The following ABHD5 variants were observed in gnomAD, a reference collection of about 807,000 sequenced individuals.
ABHD5 encodes 1-acylglycerol-3-phosphate O-acyltransferase ABHD5.
In ABHD5, 30 loss-of-function variants were observed where a neutral mutation model predicts 44.9. The observed-to-expected ratio is 0.67, with a 90% CI of 0.50 to 0.91. ABHD5 has a LOEUF of 0.91. Ranked by LOEUF, ABHD5 falls within the 40% of genes least tolerant of loss-of-function variation. The probability of loss-of-function intolerance (pLI) is 0.00; values close to 1 mark genes in which losing one functional copy is unlikely to be tolerated. For missense variants in ABHD5, 399 were observed against 423.4 expected (o/e 0.94, Z 0.50); for synonymous variants, 167 against 147.0 (o/e 1.14, Z -0.99).
intron 7 of ABHD5, among the ~76,000 whole-genome samples, chr3:43,728,384 C>T (rs559079124): frequency 5.9e-5 from 9 of 152,292 alleles, no homozygotes; most frequent in Non-Finnish European, 8.8e-5. Context: ...ATGAACAAGT[C>T]AGCAACAATC....
chr3:43,729,069 G>A (rs1169749379), intron 7 of ABHD5, among the ~76,000 whole-genome samples: 1 of 152,218 alleles, frequency 6.6e-6, no homozygotes, highest in Non-Finnish European at 1.5e-5. Flanking sequence ...TAAAGTTTTT[G>A]TGGTGACTCT....
At chr3:43,714,467 C>T (rs1400422641) in intron 4 of ABHD5, among the ~76,000 whole-genome samples, 2 of 151,992 alleles carry the variant, frequency 1.3e-5, no homozygotes, top group East Asian at 3.9e-4. Flanking sequence ...GCTGTGGGCG[C>T]CACCAGGGAT....
At chr3:43,699,984 C>T (rs564157639) in intron 2 of ABHD5, among the ~76,000 whole-genome samples, 2 of 152,114 alleles carry the variant, frequency 1.3e-5, no homozygotes, top group Admixed American at 1.3e-4. Flanking sequence ...GGGACACCCC[C>T]CCTGACTCTG....
intron 4 of ABHD5, among the ~76,000 whole-genome samples, chr3:43,712,607 C>T (rs760835644): frequency 5.3e-5 from 8 of 152,050 alleles, no homozygotes; most frequent in Non-Finnish European, 1.2e-4. Flanking sequence ...AACTGAATAC[C>T]CAAGAGGCTT....
intron 2 of ABHD5, chr3:43,699,635 A>C: frequency 3.1e-6 from 1 of 317,558 alleles, no homozygotes; most frequent in East Asian, 6.0e-5. Context: ...AATATTTATC[A>C]TTTCTAATAC....
chr3:43,731,870 AT>A (rs1228409928), intron 7 of ABHD5, among the ~76,000 whole-genome samples: 1 of 151,998 alleles, frequency 6.6e-6, no homozygotes, highest in Non-Finnish European at 1.5e-5. Flanking sequence ...AAAATTAAAA[AT>A]TAAGAATTTC....
intron 2 of ABHD5, 120 bp from the exon 3 acceptor site, chr3:43,702,095 T>C: frequency 2.4e-6 from 2 of 849,066 alleles, no homozygotes; most frequent in East Asian, 2.7e-5. Flanking sequence ...TAGCTGACAA[T>C]ACAAGCTAAA....
intron 1 of ABHD5, among the ~76,000 whole-genome samples, chr3:43,695,873 C>A (rs1013506101): frequency 2.6e-5 from 4 of 152,164 alleles, no homozygotes; most frequent in Non-Finnish European, 5.9e-5. Flanking sequence ...ACTTGGCTTT[C>A]CTTAGAATTG....
chr3:43,712,172 GTATA>G (rs1409683321), intron 4 of ABHD5, among the ~76,000 whole-genome samples: 1 of 152,172 alleles, frequency 6.6e-6, no homozygotes, highest in Non-Finnish European at 1.5e-5. Flanking sequence ...GTTTTGGGGA[GTATA>G]TAAGGACCTC....
intron 1 of ABHD5, among the ~76,000 whole-genome samples, chr3:43,696,970 T>C (rs1212566074): frequency 1.3e-5 from 2 of 152,212 alleles, no homozygotes; most frequent in Non-Finnish European, 2.9e-5. Context: ...GTGCCTCTTC[T>C]TATGGTTGAA....
At chr3:43,717,201 A>AC (rs1206537340) in intron 5 of ABHD5, among the ~76,000 whole-genome samples, 2 of 134,290 alleles carry the variant, frequency 1.5e-5, no homozygotes, top group Admixed American at 1.5e-4. Context: ...ACAAAAAAAA[A>AC]AAATGAATAG....
chr3:43,693,836 C>T (rs1442929692), intron 1 of ABHD5, among the ~76,000 whole-genome samples: 1 of 150,092 alleles, frequency 6.7e-6, no homozygotes, highest in Non-Finnish European at 1.5e-5. Context: ...CTTGTTTACT[C>T]AAACGTGAAC....
intron 1 of ABHD5, among the ~76,000 whole-genome samples, chr3:43,697,395 G>A (rs1437554464): frequency 6.6e-6 from 1 of 151,970 alleles, no homozygotes; most frequent in Non-Finnish European, 1.5e-5. Flanking sequence ...GATATGGTTC[G>A]AGGGATGTTT....
rs760056786 is a variant in ABHD5, at chr3:43,690,953, C to G, written c.-40C>G. 1.9e-6 allele frequency: 3 copies of G among 1,549,218 alleles called. No homozygotes were observed. Among genetic ancestry groups the G allele is most frequent in the Non-Finnish European group, 2.6e-6 (3 of 1,152,858 alleles). ...GGGGCGGCCCAGTCGGCCTGTCAGC[C>G]GGCTTCGAGATAAGTCCCGGCGCTT... On this transcript the variant is annotated 5_prime_UTR_variant, in exon 1 of 7. Transcript: ENST00000644371.
chr3:43,718,558 C>T lies in ABHD5; in HGVS notation c.*26C>T. On this transcript the variant is annotated 3_prime_UTR_variant, in exon 7 of 7. Coordinates refer to ENST00000644371, the MANE Select transcript of ABHD5 (RefSeq NM_016006.6). Reference sequence around the variant, plus strand: ...ACACACTGAAGCTCTGATGGGAAAACCTGGTGACTGATATAGTTGTTCAGC... The same window carrying T: ...ACACACTGAAGCTCTGATGGGAAAATCTGGTGACTGATATAGTTGTTCAGC... 2 of 1,597,772 alleles carry T rather than the reference C, an allele frequency of 1.3e-6. No homozygotes were observed. Among genetic ancestry groups the T allele is most frequent in the South Asian group, 2.2e-5 (2 of 90,780 alleles).
chr3:43,708,632 G>A (rs1462057294), intron 3 of ABHD5, among the ~76,000 whole-genome samples: 1 of 152,178 alleles, frequency 6.6e-6, no homozygotes, highest in African/African-American at 2.4e-5. Flanking sequence ...CAACCTGAGT[G>A]CTTTGCATGG....
intron 4 of ABHD5, 52 bp from the exon 5 acceptor site, chr3:43,714,895 A>T: frequency 7.7e-7 from 1 of 1,296,642 alleles, no homozygotes. Flanking sequence ...TATTTAGTTG[A>T]TAAGTTAACT....
intron 1 of ABHD5, among the ~76,000 whole-genome samples, chr3:43,691,942 C>T (rs1223159897): frequency 6.6e-6 from 1 of 152,104 alleles, no homozygotes; most frequent in Non-Finnish European, 1.5e-5. Flanking sequence ...TTTTTATATA[C>T]AGGTATAGTG....
At chr3:43,715,406 G>T (rs966481954) in intron 5 of ABHD5, among the ~76,000 whole-genome samples, 3 of 152,092 alleles carry the variant, frequency 2.0e-5, no homozygotes, top group African/African-American at 7.2e-5. Context: ...CAGGTCATCT[G>T]CCCGCCTCTG....
Sources: gnomAD v4.1 joint callset for allele counts (sites outside exome capture counted in the v4.1 genomes callset) on GRCh38, gnomAD v4.1.1 for gene constraint, MANE v1.5 for transcripts, NCBI Gene and HGNC (gene_info 2026-07-23, HGNC 2026-07-21) for gene names.